AK4: variants seen among roughly 807,000 people sequenced by gnomAD.
The protein encoded by AK4 is adenylate kinase 4, mitochondrial.
A neutral mutation model predicts 24.6 loss-of-function variants in AK4; 13 were observed. The ratio of observed to expected loss-of-function variants is 0.53; its 90% CI spans 0.34 to 0.84. The LOEUF is 0.84. AK4 is among the 40% of genes least tolerant of loss of function. The probability of loss-of-function intolerance (pLI) is 0.01; values close to 1 mark genes in which losing one functional copy is unlikely to be tolerated. For synonymous variants in AK4, 88 were observed against 107.0 expected, an observed-to-expected ratio of 0.82 and a Z score of 1.10; for missense variants, 192 against 288.2, an observed-to-expected ratio of 0.67 and a Z score of 2.42.
chr1:65,204,049 C>G (rs926180628), intron 2 of AK4, among the ~76,000 whole-genome samples: 1 of 152,006 alleles, frequency 6.6e-6, no homozygotes, highest in Non-Finnish European at 1.5e-5. Context: ...CAACGGAAAG[C>G]AACAAATCAC....
rs145786569 is a variant in AK4, at chr1:65,196,697, C to A, written c.265+5868C>A. 5.7e-3 allele frequency among the ~76,000 whole-genome samples: 869 copies of A among 152,194 alleles called. 14 individuals are homozygous for A. The highest frequency in any genetic ancestry group is 0.019 in the African/African-American group (806 of 41,516). On this transcript the variant is annotated intron_variant, in intron 2 of 4. Transcript: ENST00000327299. Reference sequence around the variant, plus strand: ...GCCAGGCTTGTCTTGAACTACTGGCCTCAAGTGATCTGCCTGCCTCGGCTG... The same window carrying A: ...GCCAGGCTTGTCTTGAACTACTGGCATCAAGTGATCTGCCTGCCTCGGCTG...
intron 1 of AK4, among the ~76,000 whole-genome samples, chr1:65,155,190 T>C (rs1408649804): frequency 2.6e-5 from 4 of 152,088 alleles, no homozygotes; most frequent in African/African-American, 4.8e-5. Context: ...AAATATTCAC[T>C]CAAGTTCTTG....
At position 65,192,356 on chromosome 1, in the gene AK4, A is replaced by C. The variant is rs570423796; in HGVS notation, c.265+1527A>C. 5.3e-5 allele frequency among the ~76,000 whole-genome samples: 8 copies of C among 152,134 alleles called. No individual in the cohort carries two copies. The South Asian group carries it at 1.7e-3, about 32-fold the overall frequency. ...TCAGGAGCCTATTGTTTTATCTAGAACCCACTTCTGTGATAAGAGCATTAA... is the reference window on the plus strand; with the variant it reads ...TCAGGAGCCTATTGTTTTATCTAGACCCCACTTCTGTGATAAGAGCATTAA... On this transcript the variant is annotated intron_variant, in intron 2 of 4. Transcript: ENST00000327299.
intron 3 of AK4, among the ~76,000 whole-genome samples, chr1:65,223,016 T>G (rs1162553119): frequency 2.0e-5 from 3 of 151,968 alleles, no homozygotes; most frequent in Non-Finnish European, 4.4e-5. Flanking sequence ...ATTATAATTT[T>G]TCAGTTCTCA....
intron 4 of AK4, 105 bp downstream of exon 4, chr1:65,224,975 A>G: frequency 2.4e-6 from 2 of 818,744 alleles, no homozygotes; most frequent in Non-Finnish European, 3.9e-6. Context: ...TTTAAGACAG[A>G]TAAACACTAG....
At chr1:65,185,882 T>C (rs1651082521) in intron 1 of AK4, among the ~76,000 whole-genome samples, 2 of 152,220 alleles carry the variant, frequency 1.3e-5, no homozygotes, top group East Asian at 1.9e-4. Flanking sequence ...CCCAAAGTGC[T>C]GGGATTACAG....
intron 1 of AK4, among the ~76,000 whole-genome samples, chr1:65,161,529 T>C (rs992935548): frequency 2.0e-5 from 3 of 152,148 alleles, no homozygotes; most frequent in Non-Finnish European, 2.9e-5. Flanking sequence ...CGAAGTCCAT[T>C]TCTACTCTCA....
At chr1:65,155,032 A>T (rs909725383) in intron 1 of AK4, among the ~76,000 whole-genome samples, 2 of 151,202 alleles carry the variant, frequency 1.3e-5, no homozygotes, top group African/African-American at 4.9e-5. Context: ...TGTATTTTTA[A>T]TAGAGACGGG....
intron 2 of AK4, among the ~76,000 whole-genome samples, chr1:65,204,164 A>C (rs1433452283): frequency 6.6e-6 from 1 of 152,050 alleles, no homozygotes; most frequent in African/African-American, 2.4e-5. Flanking sequence ...AGAAGGCATC[A>C]GACTTTATAT....
intron 2 of AK4, among the ~76,000 whole-genome samples, chr1:65,200,241 G>A (rs112170814): frequency 3.1e-4 from 47 of 152,124 alleles, no homozygotes; most frequent in African/African-American, 1.1e-3. Context: ...AGCCTCCTGA[G>A]TAGCTGGGAT....
chr1:65,187,784 TTTTA>T (rs1273837867), intron 1 of AK4, among the ~76,000 whole-genome samples: 1 of 152,274 alleles, frequency 6.6e-6, no homozygotes, highest in Non-Finnish European at 1.5e-5. Context: ...AAGCTGGAAC[TTTTA>T]TTTATTCACT....
intron 1 of AK4, among the ~76,000 whole-genome samples, chr1:65,176,211 G>T (rs1265048318): frequency 1.3e-5 from 2 of 152,112 alleles, no homozygotes; most frequent in African/African-American, 4.8e-5. Flanking sequence ...TTTCAGTAAT[G>T]CCAGCCCCTC....
intron 1 of AK4, among the ~76,000 whole-genome samples, chr1:65,184,499 T>G (rs548737237): frequency 6.6e-6 from 1 of 152,248 alleles, no homozygotes; most frequent in Non-Finnish European, 1.5e-5. Flanking sequence ...TTACATTTAT[T>G]TGAAACCTTC....
At chr1:65,221,044 C>T (rs986086847) in intron 3 of AK4, among the ~76,000 whole-genome samples, 1 of 152,054 alleles carries the variant, frequency 6.6e-6, no homozygotes, top group African/African-American at 2.4e-5. Context: ...CAAAGTATAA[C>T]ATTGATACAG....
chr1:65,154,686 C>T, intron 1 of AK4: 2 of 374,786 alleles, frequency 5.3e-6, no homozygotes, highest in Non-Finnish European at 1.1e-5. Flanking sequence ...AAGGCATCTA[C>T]CCAATACAAA....
At chr1:65,195,327 G>C (rs566563486) in intron 2 of AK4, among the ~76,000 whole-genome samples, 1 of 151,614 alleles carries the variant, frequency 6.6e-6, no homozygotes, top group South Asian at 2.1e-4. Flanking sequence ...TTCAACATGA[G>C]TTTTGGAGAG....
chr1:65,172,857 T>A (rs1650585636), intron 1 of AK4, among the ~76,000 whole-genome samples: 1 of 134,338 alleles, frequency 7.4e-6, no homozygotes, highest in African/African-American at 2.9e-5. Context: ...AGCAAGAGAT[T>A]TTTTTTTTTT....
chr1:65,218,875 C>T lies in AK4; in HGVS notation c.387C>T (p.His129=), dbSNP rs1196592547. The T allele has an allele frequency of 1.9e-6, 3 of 1,609,776 alleles. No individual in the cohort carries two copies. Among genetic ancestry groups the T allele is most frequent in the Admixed American group, 1.7e-5 (1 of 59,248 alleles). The stretch of plus-strand genomic sequence containing the variant: ...ATCGTCTCAGCCGCCGTTGGATTCA[C>T]CCTCCTAGCGGAAGGGTATATAACC... ...LKDRLSRRWI[H]PPSGRVYNLD... is the part of the protein sequence containing the mutation. Residue 129 remains histidine (H), a synonymous_variant, in exon 3 of 5, where the codon CAC becomes CAT. Transcript: ENST00000327299.
At chr1:65,199,036 G>C (rs537631289) in intron 2 of AK4, among the ~76,000 whole-genome samples, 3 of 149,554 alleles carry the variant, frequency 2.0e-5, no homozygotes, top group African/African-American at 4.9e-5. Flanking sequence ...GCAGTGAGCC[G>C]AGATTGTGCC....
Sources: gnomAD v4.1 joint callset for allele counts (sites outside exome capture counted in the v4.1 genomes callset) on GRCh38, gnomAD v4.1.1 for gene constraint, MANE v1.5 for transcripts, NCBI Gene and HGNC (gene_info 2026-07-23, HGNC 2026-07-21) for gene names.